Variants in LIMA1 observed in about 807,000 individuals in gnomAD.
The protein encoded by LIMA1 is LIM domain and actin binding 1, also known as LIM domain and actin-binding protein 1.
Under a neutral mutation model 62.6 loss-of-function variants are expected in LIMA1, and 52 were observed. That is an observed-to-expected ratio of 0.83 (90% CI 0.67 to 1.05). The LOEUF (loss-of-function observed/expected upper bound fraction) is 1.05. LIMA1 is among the 50% of genes least tolerant of loss of function. The pLI is 0.00. For missense variants in LIMA1, 780 were observed against 902.2 expected (o/e 0.86, Z 1.74); for synonymous variants, 302 against 317.8 (o/e 0.95, Z 0.53).
intron 2 of LIMA1, among the ~76,000 whole-genome samples, chr12:50,235,495 C>T (rs1404204932): frequency 6.6e-6 from 1 of 151,936 alleles, no homozygotes; most frequent in East Asian, 1.9e-4. Flanking sequence ...GAACTCCTGA[C>T]CTCAAGTGAT....
At chr12:50,227,954 G>A (rs1474712373) in intron 3 of LIMA1, among the ~76,000 whole-genome samples, 1 of 151,582 alleles carries the variant, frequency 6.6e-6, no homozygotes, top group Non-Finnish European at 1.5e-5. Context: ...CCGCCTCCTG[G>A]GTTCATGCCA....
intron 10 of LIMA1, among the ~76,000 whole-genome samples, chr12:50,178,869 T>C (rs1422492725): frequency 7.2e-5 from 11 of 152,196 alleles, no homozygotes; most frequent in Non-Finnish European, 2.9e-5. Context: ...GCTGACCCCA[T>C]TCATTTGGAG....
At chr12:50,228,110 G>A (rs898258597) in intron 3 of LIMA1, among the ~76,000 whole-genome samples, 2 of 151,982 alleles carry the variant, frequency 1.3e-5, no homozygotes, top group Non-Finnish European at 2.9e-5. Context: ...CGCCCGCCTC[G>A]GCCTCCCAAA....
At chr12:50,235,448 T>C in intron 2 of LIMA1, among the ~76,000 whole-genome samples, 1 of 151,968 alleles carries the variant, frequency 6.6e-6, no homozygotes, top group East Asian at 1.9e-4. Context: ...GTTTTTTTAC[T>C]AGAGACGGGT....
Position 50,177,379 on chromosome 12 carries a change from G to C in LIMA1, c.1965C>G (p.Asn655Lys). ...NGNVGKTTWQ[N>K]KESKGETGKR... ...TCCCTGTCTCTCCTTTAGATTCTTT[G>C]TTTTGCCAGGTTGTTTTTCCCACAT... The change falls in exon 11 of 11, where the codon AAC becomes AAG. Residue 655 changes from asparagine to lysine, a missense_variant. Coordinates refer to ENST00000341247, the MANE Select transcript of LIMA1 (RefSeq NM_016357.5). 1 of 1,614,102 alleles carries C rather than the reference G, an allele frequency of 6.2e-7. No individual in the cohort carries two copies. The highest frequency in any genetic ancestry group is 1.1e-5 in the South Asian group (1 of 91,078).
chr12:50,209,567 CAAAAAAAAAA>C (rs1203309856), intron 4 of LIMA1, among the ~76,000 whole-genome samples: 1 of 61,704 alleles, frequency 1.6e-5, no homozygotes, highest in Non-Finnish European at 3.3e-5. Flanking sequence ...GACTCCATCT[CAAAAAAAAAA>C]AAAAAAAAAA....
At chr12:50,255,294 C>A (rs2138657290) in intron 1 of LIMA1, among the ~76,000 whole-genome samples, 1 of 151,926 alleles carries the variant, frequency 6.6e-6, no homozygotes, top group East Asian at 1.9e-4. Context: ...GTGGCTCATG[C>A]CTGTAATCCC....
intron 3 of LIMA1, among the ~76,000 whole-genome samples, chr12:50,229,091 A>C (rs1941572277): frequency 6.6e-6 from 1 of 152,286 alleles, no homozygotes; most frequent in East Asian, 1.9e-4. Context: ...CTCAACACCT[A>C]TACTGCTACT....
At chr12:50,255,419 C>T (rs1032443931) in intron 1 of LIMA1, among the ~76,000 whole-genome samples, 1 of 151,348 alleles carries the variant, frequency 6.6e-6, no homozygotes, top group African/African-American at 2.4e-5. Context: ...AACTATCTGG[C>T]CATGGTGGTG....
intron 1 of LIMA1, among the ~76,000 whole-genome samples, chr12:50,275,920 C>T (rs919691567): frequency 6.6e-6 from 1 of 152,110 alleles, no homozygotes; most frequent in African/African-American, 2.4e-5. Flanking sequence ...GTATATAAAT[C>T]TCTTGAGGTA....
chr12:50,281,335 A>T lies in LIMA1; in HGVS notation c.-24+2085T>A, dbSNP rs1399994724. Among the ~76,000 whole-genome samples, 4 of 152,310 alleles carry T rather than the reference A, an allele frequency of 2.6e-5. No homozygotes were observed. In the East Asian group the frequency reaches 7.7e-4, roughly 29 times the overall value. On this transcript the variant is annotated intron_variant, in intron 1 of 10. Coordinates refer to ENST00000341247, the MANE Select transcript of LIMA1 (RefSeq NM_016357.5). ...CTATCTACCCTGTCTTCCCCACCCA[A>T]GAAAAAAAGAAAGAGAAAAACATTT...
Position 50,231,716 on chromosome 12 carries a change from G to C in LIMA1, c.120-6C>G, listed in dbSNP as rs1941613838. ...CTTCAGCTGCTTTCTGGTACCTTCAGAGAAGGGAAGGAAAGAATGTCTCAA... is the reference window on the plus strand; with the variant it reads ...CTTCAGCTGCTTTCTGGTACCTTCACAGAAGGGAAGGAAAGAATGTCTCAA... On this transcript the variant is annotated splice_polypyrimidine_tract_variant and splice_region_variant and intron_variant, in intron 2 of 10. Coordinates refer to ENST00000341247, the MANE Select transcript of LIMA1 (RefSeq NM_016357.5). 6.2e-7 allele frequency: 1 copy of C among 1,611,578 alleles called. No homozygotes were observed. The highest frequency in any genetic ancestry group is 2.2e-5 in the East Asian group (1 of 44,866).
chr12:50,191,179 T>C (rs1940760586), intron 9 of LIMA1, among the ~76,000 whole-genome samples: 1 of 151,434 alleles, frequency 6.6e-6, no homozygotes, highest in Non-Finnish European at 1.5e-5. Flanking sequence ...AGCCATTATC[T>C]TTAAGGTGAA....
chr12:50,249,323 T>C (rs773193611), intron 1 of LIMA1, among the ~76,000 whole-genome samples: 6 of 152,190 alleles, frequency 3.9e-5, no homozygotes, highest in Non-Finnish European at 8.8e-5. Flanking sequence ...GAACATATTA[T>C]GTAATATTTT....
In LIMA1 at chr12:50,177,510, T is replaced by G; in HGVS notation, c.1834A>C (p.Ile612Leu). The G allele has an allele frequency of 6.2e-7, 1 of 1,612,816 alleles. No individual in the cohort carries two copies. Residue 612 changes from isoleucine (I) to leucine (L), a missense_variant, in exon 11 of 11, where the codon ATC (isoleucine) becomes CTC (leucine). Ile to Leu is a conservative substitution (Grantham distance 5). Transcript: ENST00000341247. The stretch of plus-strand genomic sequence containing the variant: ...TCTGACATGCTCCAGCCTTTCCTGA[T>G]AGGTGGGGACACAGTTTTTGGGCTC... ...VKSPKTVSPPIRKGWSMSEQS... is the reference protein window; with the variant it reads ...VKSPKTVSPPLRKGWSMSEQS...
intron 6 of LIMA1, among the ~76,000 whole-genome samples, chr12:50,202,657 TA>T (rs1941074635): frequency 6.6e-6 from 1 of 152,214 alleles, no homozygotes; most frequent in African/African-American, 2.4e-5. Flanking sequence ...ATAAAGTTGT[TA>T]AAATTACAGT....
At position 50,188,232 on chromosome 12, in the gene LIMA1, ATCTAT is replaced by A. The variant is rs1358323505; in HGVS notation, c.1140+4215_1140+4219del. The A allele has an allele frequency of 3.9e-5, 6 of 152,332 alleles. No homozygotes were observed. The East Asian group carries it at 1.2e-3, about 29-fold the overall frequency. 9.4% of individuals were successfully genotyped at this position (152,332 alleles called of 1,614,324 possible). A position where few individuals can be genotyped will look rare whatever the true frequency, so the allele number is the denominator to read the frequency against. On this transcript the variant is annotated intron_variant, in intron 9 of 10. Coordinates refer to ENST00000341247, the MANE Select transcript of LIMA1 (RefSeq NM_016357.5). ...TTTCCAGGATGTGTGGGATCCAAAA[ATCTAT>A]TCTGAGTGAACAAGTTTATTCTTAG... is the stretch of plus-strand genomic sequence containing the variant.
intron 3 of LIMA1, chr12:50,229,859 G>A (rs2138581608): frequency 6.6e-6 from 1 of 152,196 alleles, no homozygotes; most frequent in East Asian, 1.9e-4. Flanking sequence ...TCTTGCCTGA[G>A]GACATCCGCA....
In LIMA1 at chr12:50,199,101, G is replaced by A. The variant is rs557873490; in HGVS notation, c.972+1676C>T. Among the ~76,000 whole-genome samples, 4 of 152,240 alleles carry A rather than the reference G, an allele frequency of 2.6e-5. No homozygotes were observed. In the South Asian group the frequency reaches 6.2e-4, roughly 24 times the overall value. On this transcript the variant is annotated intron_variant, in intron 7 of 10. Coordinates refer to ENST00000341247, the MANE Select transcript of LIMA1 (RefSeq NM_016357.5). ...ATCCCTCACTTTGGGAGGCCAAGGC[G>A]GGTGGATCACGTGAGGTCAGGAGTT...
Sources: gnomAD v4.1 joint callset for allele counts (sites outside exome capture counted in the v4.1 genomes callset) on GRCh38, gnomAD v4.1.1 for gene constraint, MANE v1.5 for transcripts, NCBI Gene and HGNC (gene_info 2026-07-23, HGNC 2026-07-21) for gene names.